The following LIMCH1 variants were observed in gnomAD, a reference collection of about 807,000 sequenced individuals.
The protein encoded by LIMCH1 is LIM and calponin homology domains-containing protein 1.
In LIMCH1, 113 loss-of-function variants were observed where a neutral mutation model predicts 176.5. The observed-to-expected ratio is 0.64, with a 90% CI of 0.55 to 0.75. The LOEUF (loss-of-function observed/expected upper bound fraction) is 0.75, where lower values mean the gene tolerates loss of function less well. Ranked by LOEUF, LIMCH1 falls within the 30% of genes least tolerant of loss-of-function variation. The pLI is 0.00. For synonymous variants in LIMCH1, 619 were observed against 645.9 expected (o/e 0.96, Z 0.63); for missense variants, 1,674 against 1,814.9 (o/e 0.92, Z 1.41).
intron 26 of LIMCH1, among the ~76,000 whole-genome samples, chr4:41,682,911 A>G (rs532793976): frequency 6.6e-6 from 1 of 152,250 alleles, no homozygotes; most frequent in African/African-American, 2.4e-5. Flanking sequence ...TCCTGACCTC[A>G]GGTGATCCAC....
rs150328001 is a variant in LIMCH1, at chr4:41,441,716, C to G, written c.97-52820C>G. On this transcript the variant is annotated intron_variant, in intron 1 of 26. Transcript: ENST00000313860. ...AGGTTACAAAGTTGTGTCTAATACT[C>G]TTTTTCTTTTTCTTGGTTTTTATTT... is the stretch of plus-strand genomic sequence containing the variant. Among the ~76,000 whole-genome samples, 1,163 of 152,176 alleles carry G rather than the reference C, an allele frequency of 7.6e-3. 6 individuals are homozygous for G. The highest frequency in any genetic ancestry group is 0.011 in the Non-Finnish European group (755 of 67,982).
At chr4:41,617,544 G>C (rs2092222572) in intron 5 of LIMCH1, among the ~76,000 whole-genome samples, 1 of 152,146 alleles carries the variant, frequency 6.6e-6, no homozygotes, top group Admixed American at 6.5e-5. Context: ...CTTGTTTAAG[G>C]ACCGGGTGGA....
At chr4:41,543,130 G>A (rs1035399229) in intron 1 of LIMCH1, among the ~76,000 whole-genome samples, 6 of 152,180 alleles carry the variant, frequency 3.9e-5, no homozygotes, top group African/African-American at 1.2e-4. Flanking sequence ...AGATGTGGGT[G>A]TTCATTCCAT....
chr4:41,557,542 G>A (rs2081431013), intron 1 of LIMCH1, among the ~76,000 whole-genome samples: 1 of 137,580 alleles, frequency 7.3e-6, no homozygotes, highest in Admixed American at 7.0e-5. Context: ...AATCTTTATT[G>A]CCTCTGTGTG....
intron 21 of LIMCH1, among the ~76,000 whole-genome samples, chr4:41,668,056 T>A (rs1033592601): frequency 3.9e-5 from 6 of 152,182 alleles, no homozygotes; most frequent in African/African-American, 1.4e-4. Flanking sequence ...GGTTTCTTGT[T>A]TTTCTTTTTT....
In LIMCH1 at chr4:41,676,393, G is replaced by A. The variant is rs1232384856; in HGVS notation, c.3450G>A (p.Trp1150Ter). ...ATTTTTCTAAGCAGTTTAAGTTCTG[G>A]GCATGGGACCCAGAAGAGGAGCGCA... The part of the protein sequence containing the change: ...KSPVMTPFKF[W>*]AWDPEEERRR... Residue 1150 changes from tryptophan to a stop codon, truncating the protein, a stop_gained, in exon 23 of 32, where the codon TGG becomes TGA. Transcript: ENST00000503057. LOFTEE classifies it high-confidence loss of function. The A allele has an allele frequency of 1.2e-6, 2 of 1,613,742 alleles. No homozygotes were observed. Among genetic ancestry groups the A allele is most frequent in the Non-Finnish European group, 1.7e-6 (2 of 1,179,736 alleles).
Position 41,436,976 on chromosome 4 carries a change from T to C in LIMCH1, c.97-57560T>C, listed in dbSNP as rs2062152585. Among the ~76,000 whole-genome samples, 3 of 152,184 alleles carry C rather than the reference T, an allele frequency of 2.0e-5. No homozygotes were observed. In the South Asian group the frequency reaches 6.2e-4, roughly 32 times the overall value. On this transcript the variant is annotated intron_variant, in intron 1 of 26. Coordinates refer to the LIMCH1 transcript ENST00000313860. ...ATACTGTCACGGACCTCAGATCCCTTTCATTGCACTCTTTGTTATTTCTGA... is the reference window on the plus strand; with the variant it reads ...ATACTGTCACGGACCTCAGATCCCTCTCATTGCACTCTTTGTTATTTCTGA...
rs544468400 is a variant in LIMCH1 at position 41,366,887 on chromosome 4, A to G, written c.96+5951A>G. On this transcript the variant is annotated intron_variant, in intron 1 of 26. Coordinates refer to the LIMCH1 transcript ENST00000313860. ...ATAAAGATACGACCTGAGACTGGGTAATTTATAAAGAAAGGAGGTTTAACT... is the reference window on the plus strand; with the variant it reads ...ATAAAGATACGACCTGAGACTGGGTGATTTATAAAGAAAGGAGGTTTAACT... Among the ~76,000 whole-genome samples, 3 of 151,430 alleles carry G rather than the reference A, an allele frequency of 2.0e-5. 1 individual carries two copies. In the East Asian group the frequency reaches 5.8e-4, roughly 29 times the overall value.
At chr4:41,581,421 T>A (rs1160916243) in intron 1 of LIMCH1, among the ~76,000 whole-genome samples, 1 of 152,114 alleles carries the variant, frequency 6.6e-6, no homozygotes, top group Non-Finnish European at 1.5e-5. Context: ...TTATTACTGA[T>A]TATGCCCTTT....
intron 1 of LIMCH1, among the ~76,000 whole-genome samples, chr4:41,452,963 A>G (rs907034507): frequency 1.3e-5 from 2 of 152,176 alleles, no homozygotes; most frequent in Non-Finnish European, 2.9e-5. Context: ...TAGGTGCTTG[A>G]TAAATATTTG....
intron 1 of LIMCH1, among the ~76,000 whole-genome samples, chr4:41,548,272 A>G (rs114989052): frequency 0.011 from 1,678 of 152,116 alleles, 27 homozygotes; most frequent in African/African-American, 0.038. Context: ...TGCTTTCTTC[A>G]TTTCTGTTTC....
chr4:41,606,695 A>G (rs1019957291), intron 4 of LIMCH1, among the ~76,000 whole-genome samples: 4 of 152,170 alleles, frequency 2.6e-5, no homozygotes, highest in African/African-American at 4.8e-5. Flanking sequence ...GCAATATACA[A>G]CTCATACAAA....
intron 1 of LIMCH1, among the ~76,000 whole-genome samples, chr4:41,417,637 C>T (rs1271255708): frequency 6.6e-6 from 1 of 152,146 alleles, no homozygotes; most frequent in Admixed American, 6.5e-5. Flanking sequence ...CCTCCCACCT[C>T]AGCCTCCCAA....
chr4:41,386,233 G>T (rs1225677246), intron 1 of LIMCH1, among the ~76,000 whole-genome samples: 1 of 152,110 alleles, frequency 6.6e-6, no homozygotes, highest in Non-Finnish European at 1.5e-5. Context: ...CAGGGCTTCT[G>T]TTACCCTTCT....
At chr4:41,602,093 GTGT>G (rs2090015340) in intron 2 of LIMCH1, among the ~76,000 whole-genome samples, 1 of 132,470 alleles carries the variant, frequency 7.5e-6, no homozygotes, top group Non-Finnish European at 1.6e-5. Flanking sequence ...GTGTGTGTGT[GTGT>G]TTTCTTTTAG....
chr4:41,483,850 C>T (rs567153995), intron 1 of LIMCH1, among the ~76,000 whole-genome samples: 2 of 152,288 alleles, frequency 1.3e-5, no homozygotes, highest in South Asian at 4.1e-4. Context: ...ATTCTTCAGC[C>T]CTCCCATAAT....
chr4:41,503,001 CCA>C (rs201359778), intron 2 of LIMCH1, among the ~76,000 whole-genome samples: 12,490 of 135,424 alleles, frequency 0.092, 825 homozygotes, highest in African/African-American at 0.21. Context: ...GTCTGTCTGT[CCA>C]TCCATCCATC....
intron 1 of LIMCH1, among the ~76,000 whole-genome samples, chr4:41,418,453 A>G (rs1263826867): frequency 6.6e-6 from 1 of 152,224 alleles, no homozygotes; most frequent in Non-Finnish European, 1.5e-5. Context: ...AAAAAAGTCC[A>G]GGTTTGCGTT....
chr4:41,615,272 G>A (rs113364807), intron 5 of LIMCH1, among the ~76,000 whole-genome samples: 3,372 of 152,238 alleles, frequency 0.022, 131 homozygotes, highest in African/African-American at 0.077. Context: ...AACTGGTAAT[G>A]TAGATTATCA....
Sources: allele counts gnomAD v4.1 joint callset (sites outside exome capture counted in the v4.1 genomes callset), GRCh38; gene constraint gnomAD v4.1.1; transcripts MANE v1.5; gene names NCBI Gene and HGNC (gene_info 2026-07-23, HGNC 2026-07-21).